MED24: variants seen among roughly 807,000 people sequenced by gnomAD.
MED24 encodes the protein mediator of RNA polymerase II transcription subunit 24.
In MED24, 74 loss-of-function variants were observed where a neutral mutation model predicts 118.8. That is an observed-to-expected ratio of 0.62 (90% CI 0.52 to 0.76). The LOEUF (loss-of-function observed/expected upper bound fraction) is 0.76, where lower values mean the gene tolerates loss of function less well. MED24 is among the 30% of genes least tolerant of loss of function. The probability of loss-of-function intolerance (pLI) is 0.00; values close to 1 mark genes in which losing one functional copy is unlikely to be tolerated. For synonymous variants in MED24, 521 were observed against 523.9 expected (o/e 0.99, Z 0.08); for missense variants, 1,041 against 1,278.9 (o/e 0.81, Z 2.84).
In MED24 at chr17:40,035,278, C is replaced by T. The variant is rs573489520; in HGVS notation, c.398G>A (p.Arg133His). ...ALLSALHWLL[R>H]CTAASAERLR... ...CCGCTCTGCAGAGGCTGCCGTGCAGCGCAGCAGCCAGTGGAGGGCGCTAAG... is the reference window on the plus strand; with the variant it reads ...CCGCTCTGCAGAGGCTGCCGTGCAGTGCAGCAGCCAGTGGAGGGCGCTAAG... Residue 133 changes from arginine to histidine, a missense_variant, in exon 6 of 26, where the codon CGC becomes CAC. Around this residue, in one of 3 missense-constraint regions of MED24, gnomAD observed 434 missense variants for 514.9 expected, o/e 0.84. Coordinates refer to ENST00000394128, the MANE Select transcript of MED24 (RefSeq NM_014815.4). 3.1e-6 allele frequency: 5 copies of T among 1,613,152 alleles called. No homozygotes were observed. Among genetic ancestry groups the T allele is most frequent in the African/African-American group, 2.7e-5 (2 of 75,052 alleles).
At chr17:40,028,728 T>A in intron 14 of MED24, 98 bp downstream of exon 14, 1 of 1,511,506 alleles carries the variant, frequency 6.6e-7, no homozygotes, top group Non-Finnish European at 9.0e-7. Context: ...GGTCTCTGGA[T>A]GAGACCCAGA....
At chr17:40,034,164 C>G (rs1396520367) in intron 6 of MED24, among the ~76,000 whole-genome samples, 5 of 152,112 alleles carry the variant, frequency 3.3e-5, no homozygotes. Flanking sequence ...GCCCATTAAC[C>G]TCCATGGAGC....
At chr17:40,047,748 T>C (rs1310961234) in intron 3 of MED24, among the ~76,000 whole-genome samples, 1 of 151,942 alleles carries the variant, frequency 6.6e-6, no homozygotes, top group Admixed American at 6.6e-5. Flanking sequence ...TTGTATGTTC[T>C]GAGACGAAGT....
intron 14 of MED24, 123 bp from the exon 15 acceptor site, chr17:40,028,069 A>G: frequency 1.0e-6 from 1 of 988,674 alleles, no homozygotes; most frequent in Non-Finnish European, 1.6e-6. Flanking sequence ...ACTTAAAATG[A>G]GACACATTGC....
In MED24 at chr17:40,053,323, T is replaced by C; in HGVS notation, c.188A>G (p.Tyr63Cys). Residue 63 changes from tyrosine (Y) to cysteine (C), a missense_variant, in exon 3 of 26, where the codon TAC (tyrosine) becomes TGC (cysteine). Physicochemically the swap from Tyr to Cys is radical, Grantham distance 194 (BLOSUM62 -2). Coordinates refer to ENST00000394128, the MANE Select transcript of MED24 (RefSeq NM_014815.4). Reference protein sequence around the residue: ...GPSPNPLILSYLKYAISSQMV... With the variant: ...GPSPNPLILSCLKYAISSQMV... ...CTGGGAACTAATGGCATACTTCAGGTAGGACAAGATGAGAGGATTGGGGGA... is the reference window on the plus strand; with the variant it reads ...CTGGGAACTAATGGCATACTTCAGGCAGGACAAGATGAGAGGATTGGGGGA... 1 of 1,611,544 alleles carries C rather than the reference T, an allele frequency of 6.2e-7. No individual in the cohort carries two copies. Among genetic ancestry groups the C allele is most frequent in the Admixed American group, 1.7e-5 (1 of 59,786 alleles).
chr17:40,028,470 G>A (rs1271744070), intron 14 of MED24, among the ~76,000 whole-genome samples: 1 of 152,152 alleles, frequency 6.6e-6, no homozygotes, highest in African/African-American at 2.4e-5. Context: ...TCACTGAATG[G>A]AACCATGTTC....
intron 9 of MED24, chr17:40,032,393 T>C (rs1983495320): frequency 1.8e-6 from 1 of 567,074 alleles, no homozygotes; most frequent in Non-Finnish European, 3.1e-6. Flanking sequence ...CTGGCTCCCT[T>C]TACTGCCCTG....
At chr17:40,035,573 A>G in intron 5 of MED24, 149 bp downstream of exon 5, 1 of 907,616 alleles carries the variant, frequency 1.1e-6, no homozygotes. Context: ...GAGTAAGAAA[A>G]GGAGGGCACA....
At position 40,019,788 on chromosome 17, in the gene MED24, G is replaced by A. The variant is rs1474408912; in HGVS notation, c.2850C>T (p.Thr950=). Residue 950 remains threonine, a synonymous_variant, in exon 25 of 26, where the codon ACC becomes ACT. Transcript: ENST00000394128. ...RGSVLQFMPF[T]TVSELVKVSA... ...GAGCCGGGAAGGTGGTACTCACGGT[G>A]GTGAAGGGCATGAACTGCAGGACGC... 3.7e-6 allele frequency: 6 copies of A among 1,611,864 alleles called. No homozygotes were observed. Among genetic ancestry groups the A allele is most frequent in the Non-Finnish European group, 5.1e-6 (6 of 1,179,008 alleles).
intron 3 of MED24, among the ~76,000 whole-genome samples, chr17:40,046,230 A>G (rs1281715988): frequency 1.4e-5 from 2 of 139,094 alleles, no homozygotes; most frequent in South Asian, 2.4e-4. Context: ...GACTATAGGC[A>G]CCCGCCACCA....
At chr17:40,035,845 G>T in intron 4 of MED24, 50 bp from the exon 5 acceptor site, 2 of 1,545,056 alleles carry the variant, frequency 1.3e-6, no homozygotes, top group Non-Finnish European at 1.8e-6. Flanking sequence ...TCCACCCCCA[G>T]GTCTCACATG....
At chr17:40,039,601 T>C (rs1445193166) in intron 3 of MED24, among the ~76,000 whole-genome samples, 1 of 152,178 alleles carries the variant, frequency 6.6e-6, no homozygotes, top group African/African-American at 2.4e-5. Flanking sequence ...TCTTTCTCTT[T>C]CTTCCCTTTC....
chr17:40,029,064 T>C (rs2144893622), intron 13 of MED24, 96 bp from the exon 14 acceptor site: 2 of 1,517,226 alleles, frequency 1.3e-6, no homozygotes, highest in Non-Finnish European at 1.8e-6. Flanking sequence ...CAACCTGGAA[T>C]GTAATCTACA....
intron 4 of MED24, 69 bp from the exon 5 acceptor site, chr17:40,035,864 G>C: frequency 6.9e-7 from 1 of 1,440,582 alleles, no homozygotes; most frequent in South Asian, 1.2e-5. Flanking sequence ...TGAGGCAGAC[G>C]GTGCATTCAG....
intron 13 of MED24, 96 bp from the exon 14 acceptor site, chr17:40,029,064 T>G: frequency 6.6e-7 from 1 of 1,517,226 alleles, no homozygotes; most frequent in Non-Finnish European, 9.0e-7. Context: ...CAACCTGGAA[T>G]GTAATCTACA....
chr17:40,031,161 C>G lies in MED24; in HGVS notation c.1152G>C (p.Lys384Asn), dbSNP rs984490646. ...AGCACAGGTGCGTTCACACTTACCG[C>G]TTAGCCATAAGGTTGTTGACGCTGG... ...SEASVNNLMA[K>N]RKADREHAPQ... The change falls in exon 12 of 26, where the codon AAG (lysine) becomes AAC (asparagine). Residue 384 changes from lysine (K) to asparagine (N), a missense_variant and splice_region_variant. This residue lies in a region of MED24 where 434 missense variants were observed against 514.9 expected (regional missense o/e 0.84). Coordinates refer to ENST00000394128, the MANE Select transcript of MED24 (RefSeq NM_014815.4). The G allele has an allele frequency of 4.5e-6, 7 of 1,563,096 alleles. No homozygotes were observed. In the African/African-American group the frequency reaches 6.8e-5, roughly 15 times the overall value.
chr17:40,044,792 T>C (rs953245251), intron 3 of MED24, among the ~76,000 whole-genome samples: 1 of 148,892 alleles, frequency 6.7e-6, no homozygotes, highest in Non-Finnish European at 1.5e-5. Context: ...GGCAGGAGAA[T>C]GGCGTGAATC....
chr17:40,037,335 C>T (rs71371406), intron 3 of MED24, among the ~76,000 whole-genome samples: 8,951 of 152,140 alleles, frequency 0.059, 896 homozygotes, highest in African/African-American at 0.2. Flanking sequence ...CTTCCCTGAT[C>T]AACCCCAACC....
intron 3 of MED24, among the ~76,000 whole-genome samples, chr17:40,043,519 TTA>T (rs1197885174): frequency 1.3e-5 from 2 of 152,128 alleles, no homozygotes; most frequent in Admixed American, 6.6e-5. Context: ...CAGAAATTTT[TTA>T]TGTTTTTGTT....
Sources: gnomAD v4.1 joint callset for allele counts (sites outside exome capture counted in the v4.1 genomes callset) on GRCh38, gnomAD v4.1.1 for gene constraint, gnomAD v4.1.1 regional missense constraint, MANE v1.5 for transcripts, NCBI Gene and HGNC (gene_info 2026-07-23, HGNC 2026-07-21) for gene names.